The following FREM2 variants were observed in gnomAD, a reference collection of about 807,000 sequenced individuals.
FREM2 encodes the protein FRAS1 related extracellular matrix 2.
FREM2 carries 119 observed loss-of-function variants against 219.9 expected under a neutral mutation model. The observed-to-expected ratio is 0.54, with a 90% confidence interval of 0.47 to 0.63. The LOEUF is 0.63. Ranked by LOEUF, FREM2 falls within the 30% of genes least tolerant of loss-of-function variation. The probability of loss-of-function intolerance (pLI) is 0.00; values close to 1 mark genes in which losing one functional copy is unlikely to be tolerated. For missense variants in FREM2, 4,030 were observed against 3,993.6 expected, an observed-to-expected ratio of 1.01 and a Z score of -0.25; for synonymous variants, 1,562 against 1,522.8, an observed-to-expected ratio of 1.03 and a Z score of -0.60.
chr13:38,764,566 A>T, intron 3 of FREM2, 116 bp downstream of exon 3: 1 of 658,196 alleles, frequency 1.5e-6, no homozygotes, highest in Non-Finnish European at 2.6e-6. Context: ...TAAAATTTAA[A>T]AGTTCTCTAA....
intron 9 of FREM2, 23 bp downstream of exon 9, chr13:38,850,258 T>G: frequency 6.2e-7 from 1 of 1,610,222 alleles, no homozygotes; most frequent in Non-Finnish European, 8.5e-7. Context: ...TTGAAATTTT[T>G]TCGTGAAATT....
At chr13:38,869,909 G>A (rs968022984) in intron 16 of FREM2, among the ~76,000 whole-genome samples, 3 of 152,292 alleles carry the variant, frequency 2.0e-5, no homozygotes, top group Admixed American at 1.3e-4. Context: ...CTGGCTAGCT[G>A]TTTTGCGACA....
intron 2 of FREM2, among the ~76,000 whole-genome samples, chr13:38,708,189 T>C (rs929057081): frequency 2.0e-5 from 3 of 152,264 alleles, no homozygotes; most frequent in African/African-American, 7.2e-5. Context: ...TTTTTATCTC[T>C]GATTTTCATT....
intron 12 of FREM2, among the ~76,000 whole-genome samples, chr13:38,857,174 AAAT>A (rs1877594267): frequency 6.6e-6 from 1 of 151,992 alleles, no homozygotes; most frequent in African/African-American, 2.4e-5. Flanking sequence ...ATAGTCACTC[AAAT>A]TACTTCCAGC....
At chr13:38,784,440 G>C in intron 5 of FREM2, 117 bp from the exon 6 acceptor site, 1 of 1,095,050 alleles carries the variant, frequency 9.1e-7, no homozygotes. Flanking sequence ...TGCAGTTCTA[G>C]GGGTGTTCAT....
chr13:38,813,504 CTCTCTCTCTCTCTCCTCTCTCT>C (rs1875594149), intron 6 of FREM2, among the ~76,000 whole-genome samples: 1 of 12,162 alleles, frequency 8.2e-5, no homozygotes, highest in African/African-American at 2.5e-4. Flanking sequence ...CTCTCTCTCT[CTCTCTCTCTCTCTCCTCTCTCT>C]CTCTCTCTCT....
At chr13:38,767,505 A>C (rs112484268) in intron 3 of FREM2, among the ~76,000 whole-genome samples, 1,862 of 152,348 alleles carry the variant, frequency 0.012, 42 homozygotes, top group African/African-American at 0.043. Flanking sequence ...AAACTCCAAA[A>C]AAAACAAATA....
chr13:38,878,425 C>CCCA (rs1878426533), intron 22 of FREM2, 104 bp downstream of exon 22: 1 of 494,044 alleles, frequency 2.0e-6, no homozygotes, highest in Non-Finnish European at 3.5e-6. Flanking sequence ...ACACTATAGT[C>CCCA]CCAGCACTTT....
At chr13:38,847,282 A>G (rs903562096) in intron 7 of FREM2, among the ~76,000 whole-genome samples, 1 of 149,574 alleles carries the variant, frequency 6.7e-6, no homozygotes, top group South Asian at 2.1e-4. Context: ...CAGCAAGCAT[A>G]GAATTCAAAA....
At chr13:38,740,140 A>C (rs761674877) in intron 2 of FREM2, among the ~76,000 whole-genome samples, 40 of 152,214 alleles carry the variant, frequency 2.6e-4, no homozygotes, top group Non-Finnish European at 4.6e-4. Context: ...GAATCATCAT[A>C]ATCTATTTTA....
intron 2 of FREM2, among the ~76,000 whole-genome samples, chr13:38,732,946 G>C (rs1310091006): frequency 2.0e-5 from 3 of 152,102 alleles, no homozygotes; most frequent in Non-Finnish European, 4.4e-5. Context: ...AACTGACAGT[G>C]GTGAAAGAAC....
At chr13:38,776,431 G>T (rs9594291) in intron 4 of FREM2, among the ~76,000 whole-genome samples, 10 of 152,054 alleles carry the variant, frequency 6.6e-5, no homozygotes, top group African/African-American at 2.4e-4. Flanking sequence ...TTGAGAGAAG[G>T]TATAAAATGT....
intron 2 of FREM2, among the ~76,000 whole-genome samples, chr13:38,722,965 T>C (rs1184929373): frequency 6.6e-6 from 1 of 152,162 alleles, no homozygotes; most frequent in Non-Finnish European, 1.5e-5. Flanking sequence ...GTGCAGTGGC[T>C]CCTGCCTATA....
chr13:38,858,146 A>G (rs1877630174), intron 13 of FREM2, 113 bp downstream of exon 13: 5 of 945,220 alleles, frequency 5.3e-6, no homozygotes, highest in Non-Finnish European at 5.0e-6. Flanking sequence ...AAAATACTAC[A>G]TGGTTTAAGC....
At chr13:38,721,828 A>G (rs1341821022) in intron 2 of FREM2, among the ~76,000 whole-genome samples, 2 of 152,286 alleles carry the variant, frequency 1.3e-5, no homozygotes, top group East Asian at 1.9e-4. Flanking sequence ...TACTAATCCC[A>G]GAAATTAAAC....
In FREM2 at chr13:38,846,574, A is replaced by G. The variant is rs373331837; in HGVS notation, c.6021A>G (p.Glu2007=). The G allele has an allele frequency of 9.9e-6, 16 of 1,613,230 alleles. No homozygotes were observed. The African/African-American group carries it at 1.5e-4, about 15-fold the overall frequency. The change falls in exon 7 of 24, where the codon GAA becomes GAG. Residue 2007 remains glutamate (E), a splice_region_variant and synonymous_variant. Transcript: ENST00000280481. ...TGATTTCTGTTCCTTTCTTAACAGAACCCATCTTTTACTTCGGTGATGTGG... is the reference window on the plus strand; with the variant it reads ...TGATTTCTGTTCCTTTCTTAACAGAGCCCATCTTTTACTTCGGTGATGTGG... ...QVTIVPDKDD[E]PIFYFGDVEY...
chr13:38,693,265 T>C (rs946046236), intron 1 of FREM2, among the ~76,000 whole-genome samples: 3 of 152,232 alleles, frequency 2.0e-5, no homozygotes, highest in African/African-American at 4.8e-5. Flanking sequence ...TAATTCATTA[T>C]TAAGAGCATG....
At chr13:38,849,723 G>A (rs913886168) in intron 8 of FREM2, among the ~76,000 whole-genome samples, 5 of 152,268 alleles carry the variant, frequency 3.3e-5, no homozygotes, top group Non-Finnish European at 5.9e-5. Context: ...TGTTCTTCAC[G>A]TCAGGAAATT....
intron 6 of FREM2, among the ~76,000 whole-genome samples, chr13:38,834,823 A>T (rs879465474): frequency 6.6e-6 from 1 of 152,182 alleles, no homozygotes; most frequent in Non-Finnish European, 1.5e-5. Context: ...AATTTGTTTA[A>T]GTTCATTGTA....
Sources: allele counts gnomAD v4.1 joint callset (sites outside exome capture counted in the v4.1 genomes callset), GRCh38; gene constraint gnomAD v4.1.1; transcripts MANE v1.5; gene names NCBI Gene and HGNC (gene_info 2026-07-23, HGNC 2026-07-21).